The following MYO3B variants were observed in gnomAD, a reference collection of about 807,000 sequenced individuals.
MYO3B encodes the protein myosin-IIIb.
A neutral mutation model predicts 174.6 loss-of-function variants in MYO3B; 156 were observed. The ratio of observed to expected loss-of-function variants is 0.89; its 90% CI spans 0.78 to 1.02. MYO3B has a LOEUF of 1.02. Ranked by LOEUF, MYO3B falls within the 50% of genes least tolerant of loss-of-function variation. MYO3B has a pLI of 0.00. For synonymous variants in MYO3B, 563 were observed against 569.1 expected (o/e 0.99, Z 0.15); for missense variants, 1,632 against 1,639.4 (o/e 1.00, Z 0.08).
At chr2:170,340,350 A>G (rs2093969428) in intron 8 of MYO3B, 1 of 152,192 alleles carries the variant, frequency 6.6e-6, no homozygotes, top group Non-Finnish European at 1.5e-5. Context: ...ACGGCTGCTC[A>G]GCTTTGGATT....
intron 25 of MYO3B, among the ~76,000 whole-genome samples, chr2:170,496,853 C>G (rs1246449407): frequency 2.0e-5 from 3 of 151,962 alleles, no homozygotes; most frequent in African/African-American, 7.3e-5. Context: ...GTCTCGAACT[C>G]TTGGGCTTAA....
intron 32 of MYO3B, among the ~76,000 whole-genome samples, chr2:170,552,164 T>C (rs932305572): frequency 6.6e-6 from 1 of 152,158 alleles, no homozygotes; most frequent in Non-Finnish European, 1.5e-5. Flanking sequence ...TATAAAGGTA[T>C]TACCATAAAG....
intron 22 of MYO3B, among the ~76,000 whole-genome samples, chr2:170,424,542 GGGAGGT>G (rs1051466420): frequency 6.6e-6 from 1 of 152,096 alleles, no homozygotes; most frequent in Non-Finnish European, 1.5e-5. Flanking sequence ...GCTTGAACCA[GGGAGGT>G]GGAGGTTGCA....
At chr2:170,485,224 A>G (rs573687623) in intron 25 of MYO3B, among the ~76,000 whole-genome samples, 7 of 152,186 alleles carry the variant, frequency 4.6e-5, no homozygotes, top group Non-Finnish European at 7.3e-5. Flanking sequence ...TTTGAAGTCA[A>G]TTTTTAATTG....
intron 7 of MYO3B, among the ~76,000 whole-genome samples, chr2:170,263,466 C>T (rs935982439): frequency 3.3e-5 from 5 of 152,012 alleles, no homozygotes; most frequent in African/African-American, 1.2e-4. Context: ...ATTTATTGAT[C>T]GTTATCTCTA....
intron 23 of MYO3B, among the ~76,000 whole-genome samples, chr2:170,459,523 CAT>C (rs1326265528): frequency 6.6e-6 from 1 of 152,178 alleles, no homozygotes; most frequent in Non-Finnish European, 1.5e-5. Flanking sequence ...TTTAACTAGA[CAT>C]AGAAGTTCTC....
At chr2:170,633,237 A>G (rs1697171405) in intron 32 of MYO3B, among the ~76,000 whole-genome samples, 1 of 152,224 alleles carries the variant, frequency 6.6e-6, no homozygotes, top group African/African-American at 2.4e-5. Flanking sequence ...ATACTGGCAA[A>G]CCAAATCCAG....
chr2:170,525,769 A>C (rs1048909851), intron 30 of MYO3B, among the ~76,000 whole-genome samples: 6 of 152,358 alleles, frequency 3.9e-5, no homozygotes, highest in African/African-American at 1.4e-4. Flanking sequence ...GATGAGCCAG[A>C]GAAACAGCCT....
At position 170,311,845 on chromosome 2, in the gene MYO3B, C is replaced by T. The variant is rs529045943; in HGVS notation, c.750-23540C>T. On this transcript the variant is annotated intron_variant, in intron 7 of 34. Transcript: ENST00000408978. ...TCTGTATATGCAGTTTTCCCGGCAC[C>T]GTTTGTTAAAGAGACTATTCTTTCT... 2.5e-3 allele frequency among the ~76,000 whole-genome samples: 376 copies of T among 152,196 alleles called. 2 individuals carry two copies. Among genetic ancestry groups the T allele is most frequent in the Non-Finnish European group, 1.8e-3 (125 of 68,012 alleles).
chr2:170,183,638 A>G (rs2092430292), intron 1 of MYO3B, among the ~76,000 whole-genome samples: 1 of 152,088 alleles, frequency 6.6e-6, no homozygotes, highest in Admixed American at 6.5e-5. Flanking sequence ...TATTTATTTT[A>G]TATTCACCAT....
chr2:170,630,051 C>G (rs1197954251), intron 32 of MYO3B, among the ~76,000 whole-genome samples: 1 of 152,182 alleles, frequency 6.6e-6, no homozygotes, highest in Admixed American at 6.5e-5. Context: ...CTCATTGAGA[C>G]TGGTCAGAAA....
intron 8 of MYO3B, among the ~76,000 whole-genome samples, chr2:170,360,651 G>T (rs967077149): frequency 1.3e-5 from 2 of 152,174 alleles, no homozygotes; most frequent in Non-Finnish European, 2.9e-5. Context: ...TCAGGTGCTG[G>T]CTTTGTGATA....
At chr2:170,638,668 G>A (rs1040892217) in intron 32 of MYO3B, among the ~76,000 whole-genome samples, 2 of 152,138 alleles carry the variant, frequency 1.3e-5, no homozygotes, top group African/African-American at 2.4e-5. Flanking sequence ...ATCCCCATCA[G>A]GCATGTCTCT....
chr2:170,465,610 C>G (rs1426861553), intron 24 of MYO3B, among the ~76,000 whole-genome samples: 2 of 152,326 alleles, frequency 1.3e-5, no homozygotes, highest in East Asian at 3.9e-4. Context: ...TCTATTTACT[C>G]TGTGAAGTGA....
At chr2:170,650,059 G>A (rs1355794362) in intron 32 of MYO3B, 1 of 107,956 alleles carries the variant, frequency 9.3e-6, no homozygotes, top group African/African-American at 3.7e-5. Flanking sequence ...GTGAGACAGA[G>A]TCTCACTCTG....
At chr2:170,367,884 A>C (rs1228325215) in intron 8 of MYO3B, among the ~76,000 whole-genome samples, 1 of 152,206 alleles carries the variant, frequency 6.6e-6, no homozygotes, top group Non-Finnish European at 1.5e-5. Flanking sequence ...TGGTATTTAT[A>C]GTCCTGCAAG....
chr2:170,498,841 T>A, intron 26 of MYO3B, 138 bp downstream of exon 26: 1 of 617,630 alleles, frequency 1.6e-6, no homozygotes. Context: ...TTTGCTGGTA[T>A]TAAGTCAAGA....
chr2:170,192,021 C>A (rs772239473), intron 1 of MYO3B, among the ~76,000 whole-genome samples: 4 of 152,018 alleles, frequency 2.6e-5, no homozygotes, highest in Non-Finnish European at 5.9e-5. Context: ...CTACTTTTAT[C>A]ATGTTTTTGT....
chr2:170,431,076 T>C (rs1368731197), intron 22 of MYO3B, among the ~76,000 whole-genome samples: 2 of 152,134 alleles, frequency 1.3e-5, no homozygotes, highest in African/African-American at 2.4e-5. Flanking sequence ...CAGACATGTG[T>C]ATGTGGCTTT....
Sources: gnomAD v4.1 joint callset for allele counts (sites outside exome capture counted in the v4.1 genomes callset) on GRCh38, gnomAD v4.1.1 for gene constraint, MANE v1.5 for transcripts, NCBI Gene and HGNC (gene_info 2026-07-23, HGNC 2026-07-21) for gene names.